The following NDUFAF6 variants were observed in gnomAD, a reference collection of about 807,000 sequenced individuals.
NDUFAF6 encodes NADH dehydrogenase (ubiquinone) complex I, assembly factor 6.
NDUFAF6 carries 45 observed loss-of-function variants against 40.8 expected under a neutral mutation model. The observed-to-expected ratio is 1.10, with a 90% CI of 0.87 to 1.42. The LOEUF (loss-of-function observed/expected upper bound fraction) is 1.42, where lower values mean the gene tolerates loss of function less well. NDUFAF6 is among the 40% of genes most tolerant of loss of function. The pLI is 0.00. For synonymous variants in NDUFAF6, 185 were observed against 155.9 expected, an observed-to-expected ratio of 1.19 and a Z score of -1.39; for missense variants, 435 against 418.5, an observed-to-expected ratio of 1.04 and a Z score of -0.34.
chr8:95,086,858 C>T (rs543709546), intron 2 of NDUFAF6, among the ~76,000 whole-genome samples: 1 of 152,238 alleles, frequency 6.6e-6, no homozygotes, highest in South Asian at 2.1e-4. Context: ...CCGCCTCCGC[C>T]CCCCAAAGTG....
chr8:94,976,713 C>G (rs1315862867), intron 1 of NDUFAF6, among the ~76,000 whole-genome samples: 1 of 151,688 alleles, frequency 6.6e-6, no homozygotes, highest in African/African-American at 2.4e-5. Context: ...TGATGGTCAT[C>G]AGAGGTTGGG....
upstream of NDUFAF6, among the ~76,000 whole-genome samples, chr8:94,956,108 T>C (rs958990906): frequency 1.3e-5 from 2 of 152,216 alleles, no homozygotes; most frequent in Admixed American, 6.5e-5. Context: ...TCTCTTAGCC[T>C]CCATTTCCTG....
chr8:95,019,899 A>T (rs555071639), intron 2 of NDUFAF6, among the ~76,000 whole-genome samples: 100 of 152,090 alleles, frequency 6.6e-4, no homozygotes, highest in African/African-American at 2.1e-3. Flanking sequence ...TATATTTTTT[A>T]AAAAAATGGT....
chr8:94,924,925 T>C (rs1819765453), intron 1 of NDUFAF6, among the ~76,000 whole-genome samples: 1 of 152,158 alleles, frequency 6.6e-6, no homozygotes, highest in Non-Finnish European at 1.5e-5. Context: ...GTATTTTTAG[T>C]AGAGATGGGG....
chr8:95,112,877 C>T (rs1229495526), intron 4 of NDUFAF6, among the ~76,000 whole-genome samples: 1 of 152,242 alleles, frequency 6.6e-6, no homozygotes, highest in African/African-American at 2.4e-5. Flanking sequence ...CAGGATGCCC[C>T]ATGGGCTGAC....
At chr8:95,070,311 T>C (rs771409828) in intron 9 of NDUFAF6, among the ~76,000 whole-genome samples, 14 of 152,238 alleles carry the variant, frequency 9.2e-5, no homozygotes, top group Non-Finnish European at 7.3e-5. Context: ...TAGTTAATAA[T>C]TGTAAAGTGC....
At chr8:95,091,299 G>A (rs1321918983) in intron 2 of NDUFAF6, among the ~76,000 whole-genome samples, 2 of 151,964 alleles carry the variant, frequency 1.3e-5, no homozygotes, top group East Asian at 1.9e-4. Context: ...CTCACATGGC[G>A]GCAGGAAAAA....
intron 2 of NDUFAF6, among the ~76,000 whole-genome samples, chr8:94,985,079 C>A (rs1223198635): frequency 6.6e-6 from 1 of 152,046 alleles, no homozygotes; most frequent in Non-Finnish European, 1.5e-5. Flanking sequence ...GCCATGTAAT[C>A]CAAGTCTGGC....
At chr8:95,023,519 T>C (rs1010945286), upstream of NDUFAF6, among the ~76,000 whole-genome samples, 1 of 152,018 alleles carries the variant, frequency 6.6e-6, no homozygotes, top group Non-Finnish European at 1.5e-5. Flanking sequence ...TGCTGTCAAG[T>C]AGGGAAACGC....
chr8:95,086,306 C>T (rs948268561), intron 2 of NDUFAF6, among the ~76,000 whole-genome samples: 14 of 151,996 alleles, frequency 9.2e-5, no homozygotes, highest in African/African-American at 2.7e-4. Context: ...AACAGTGTTC[C>T]CCTCAACACT....
At chr8:94,967,885 G>A (rs1310164753) in intron 1 of NDUFAF6, among the ~76,000 whole-genome samples, 1 of 151,532 alleles carries the variant, frequency 6.6e-6, no homozygotes, top group Non-Finnish European at 1.5e-5. Flanking sequence ...AGGTTGCAGT[G>A]AGCCAAGACT....
At chr8:95,016,005 C>G (rs1352825425) in intron 2 of NDUFAF6, among the ~76,000 whole-genome samples, 1 of 152,192 alleles carries the variant, frequency 6.6e-6, no homozygotes, top group Admixed American at 6.5e-5. Context: ...GCCAGGCCCA[C>G]TGTTATCCCG....
At chr8:94,986,229 A>G (rs1825892316) in intron 2 of NDUFAF6, among the ~76,000 whole-genome samples, 2 of 152,208 alleles carry the variant, frequency 1.3e-5, no homozygotes, top group Non-Finnish European at 2.9e-5. Flanking sequence ...CACAAGTTTT[A>G]TGGAAAAAAT....
At chr8:94,902,237 G>T (rs749697832) in intron 1 of NDUFAF6, among the ~76,000 whole-genome samples, 2 of 118,022 alleles carry the variant, frequency 1.7e-5, no homozygotes, top group Non-Finnish European at 3.5e-5. Context: ...TGGCCAACAT[G>T]ATGAAACTCT....
rs1830662036 is a variant in NDUFAF6, at chr8:95,045,649, T to G, written c.580+2T>G. ...TTTACTTAACACTAGAAATATTGGG[T>G]AAGTTGTTTTTCTGTTTCATACTTC... On this transcript the variant is annotated splice_donor_variant, in intron 5 of 8. Coordinates refer to ENST00000396124, the MANE Select transcript of NDUFAF6 (RefSeq NM_152416.4). LOFTEE classifies it high-confidence loss of function. 6.2e-7 allele frequency: 1 copy of G among 1,606,610 alleles called. No individual in the cohort carries two copies.
intron 1 of NDUFAF6, among the ~76,000 whole-genome samples, chr8:94,969,781 A>G (rs1331670759): frequency 1.3e-5 from 2 of 152,238 alleles, no homozygotes; most frequent in African/African-American, 4.8e-5. Context: ...TTCAGTAAAT[A>G]TAATGAGGCT....
At chr8:95,014,329 G>A (rs895108270) in intron 2 of NDUFAF6, among the ~76,000 whole-genome samples, 2 of 152,210 alleles carry the variant, frequency 1.3e-5, no homozygotes, top group African/African-American at 4.8e-5. Flanking sequence ...AATAGTAGAG[G>A]GAACAGCACA....
intron 2 of NDUFAF6, 121 bp downstream of exon 2, chr8:95,032,215 T>A: frequency 1.2e-6 from 1 of 844,228 alleles, no homozygotes; most frequent in East Asian, 2.6e-5. Context: ...TCTCTGCTAG[T>A]GATTTCTTTT....
At chr8:94,978,451 C>A (rs547034281) in intron 1 of NDUFAF6, among the ~76,000 whole-genome samples, 3 of 152,256 alleles carry the variant, frequency 2.0e-5, no homozygotes, top group South Asian at 4.2e-4. Context: ...CATGGTGGCT[C>A]ATGCCTGTAA....
Sources: gnomAD v4.1 joint callset for allele counts (sites outside exome capture counted in the v4.1 genomes callset) on GRCh38, gnomAD v4.1.1 for gene constraint, MANE v1.5 for transcripts, NCBI Gene and HGNC (gene_info 2026-07-23, HGNC 2026-07-21) for gene names.